ASIP: variants seen among roughly 807,000 people sequenced by gnomAD.
ASIP encodes agouti signaling protein, also known as agouti-signaling protein.
Under a neutral mutation model 10.3 loss-of-function variants are expected in ASIP, and 11 were observed. That is an observed-to-expected ratio of 1.07 (90% confidence interval 0.68 to 1.78). The LOEUF is 1.78. Among genes scored for constraint, ASIP ranks in the 40% most tolerant of loss-of-function variants. The pLI, the probability that ASIP is intolerant of heterozygous loss-of-function variation, is 0.00. For missense variants in ASIP, 180 were observed against 169.2 expected, an observed-to-expected ratio of 1.06 and a Z score of -0.35; for synonymous variants, 70 against 70.8, an observed-to-expected ratio of 0.99 and a Z score of 0.06.
chr20:34,219,144 A>G (rs924863148), intron 1 of ASIP, among the ~76,000 whole-genome samples: 2 of 152,192 alleles, frequency 1.3e-5, no homozygotes, highest in African/African-American at 2.4e-5. Context: ...GGGAACAGGT[A>G]GTATAAGAAA....
intron 3 of ASIP, among the ~76,000 whole-genome samples, chr20:34,264,644 T>A (rs1355723264): frequency 3.3e-5 from 5 of 152,116 alleles, no homozygotes; most frequent in Non-Finnish European, 7.3e-5. Flanking sequence ...AGACAATACA[T>A]CTTGTAAACA....
chr20:34,244,465 TCTGAGGTGCCCGC>T (rs2035336841), intron 1 of ASIP, among the ~76,000 whole-genome samples: 1 of 152,228 alleles, frequency 6.6e-6, no homozygotes, highest in Non-Finnish European at 1.5e-5. Context: ...CTAAAATGTG[TCTGAGGTGCCCGC>T]CTTTGACATT....
At chr20:34,220,029 G>T (rs1183025394) in intron 1 of ASIP, among the ~76,000 whole-genome samples, 3 of 152,136 alleles carry the variant, frequency 2.0e-5, no homozygotes, top group Non-Finnish European at 4.4e-5. Flanking sequence ...AGCGGAGCTT[G>T]CAGTGAGCCG....
intron 1 of ASIP, among the ~76,000 whole-genome samples, chr20:34,198,931 C>T (rs1382874538): frequency 6.6e-6 from 1 of 152,180 alleles, no homozygotes; most frequent in Middle Eastern, 3.2e-3. Flanking sequence ...CTCATTCCCC[C>T]TTCAAGTCCC....
At chr20:34,216,287 G>A (rs2035007952) in intron 1 of ASIP, among the ~76,000 whole-genome samples, 2 of 152,212 alleles carry the variant, frequency 1.3e-5, no homozygotes, top group South Asian at 2.1e-4. Flanking sequence ...TCAGCGCGAA[G>A]CGCCCTCTCC....
chr20:34,256,834 GC>G (rs1439976400), intron 1 of ASIP, among the ~76,000 whole-genome samples: 2 of 152,028 alleles, frequency 1.3e-5, no homozygotes, highest in Non-Finnish European at 2.9e-5. Flanking sequence ...GGGTAACAGT[GC>G]AGTGGTACAA....
At chr20:34,235,653 G>A (rs550310613) in intron 1 of ASIP, among the ~76,000 whole-genome samples, 3 of 151,732 alleles carry the variant, frequency 2.0e-5, no homozygotes, top group East Asian at 3.9e-4. Context: ...GCATGGTAGC[G>A]CATGCCTGTG....
At chr20:34,187,162 C>A in the ASIP span, among the ~76,000 whole-genome samples, 5 of 152,142 alleles carry the variant, frequency 3.3e-5, no homozygotes, top group Admixed American at 6.5e-5. Flanking sequence ...CAAAGGAGAA[C>A]CAATCAATCA....
chr20:34,261,808 A>G (rs575856698), intron 2 of ASIP, among the ~76,000 whole-genome samples: 54 of 152,092 alleles, frequency 3.6e-4, no homozygotes, highest in Non-Finnish European at 5.9e-4. Flanking sequence ...TCAAAAAAGA[A>G]ATTTTTTAAT....
chr20:34,204,519 C>T (rs567227498), intron 1 of ASIP, among the ~76,000 whole-genome samples: 56 of 152,146 alleles, frequency 3.7e-4, no homozygotes, highest in African/African-American at 1.3e-3. Flanking sequence ...GCTCCTGGCC[C>T]GTTTTTTAAC....
chr20:34,268,413 T>C (rs1255257911), intron 3 of ASIP, among the ~76,000 whole-genome samples: 3 of 152,094 alleles, frequency 2.0e-5, no homozygotes, highest in African/African-American at 7.2e-5. Flanking sequence ...TGTTTCATTT[T>C]AAGTTCAAAG....
At chr20:34,215,746 A>G in intron 1 of ASIP, 1 of 1,477,660 alleles carries the variant, frequency 6.8e-7, no homozygotes, top group Admixed American at 1.7e-5. Context: ...TTACATGATC[A>G]TCACTATATG....
At chr20:34,193,775 G>C (rs189079285), upstream of ASIP, among the ~76,000 whole-genome samples, 1 of 152,172 alleles carries the variant, frequency 6.6e-6, no homozygotes, top group African/African-American at 2.4e-5. Context: ...AACTATGGCC[G>C]TGCAAATCAG....
the ASIP span, among the ~76,000 whole-genome samples, chr20:34,187,391 C>T: frequency 6.6e-6 from 1 of 152,126 alleles, no homozygotes; most frequent in African/African-American, 2.4e-5. Context: ...TTCCTTTGGC[C>T]TCTAAAGTTC....
chr20:34,201,017 C>CTTCTTTCTTTCTTTCTTTCT (rs1215561275), intron 1 of ASIP, among the ~76,000 whole-genome samples: 117 of 63,368 alleles, frequency 1.8e-3, no homozygotes, highest in Middle Eastern at 6.6e-3. Flanking sequence ...TCCTTCCTTC[C>CTTCTTTCTTTCTTTCTTTCT]TTCTTTCTTT....
intron 1 of ASIP, among the ~76,000 whole-genome samples, chr20:34,203,939 T>G (rs1174113000): frequency 6.6e-6 from 1 of 152,124 alleles, no homozygotes; most frequent in East Asian, 1.9e-4. Flanking sequence ...TTGGCCAGGC[T>G]GGTCTCGAAC....
At chr20:34,201,377 A>G (rs1363965484) in intron 1 of ASIP, among the ~76,000 whole-genome samples, 1 of 152,214 alleles carries the variant, frequency 6.6e-6, no homozygotes, top group Non-Finnish European at 1.5e-5. Context: ...CAAAGTGCAC[A>G]GTGGAAATCG....
chr20:34,267,483 A>AG (rs2035807085), intron 3 of ASIP, among the ~76,000 whole-genome samples: 1 of 150,444 alleles, frequency 6.6e-6, no homozygotes, highest in Non-Finnish European at 1.5e-5. Flanking sequence ...AAAAAAAAAA[A>AG]GAACTGTGAT....
intron 1 of ASIP, among the ~76,000 whole-genome samples, chr20:34,202,042 A>G (rs1199152292): frequency 6.6e-6 from 1 of 152,136 alleles, no homozygotes; most frequent in Non-Finnish European, 1.5e-5. Flanking sequence ...TTTGTTTCAA[A>G]CAGCTAAGTT....
Sources: gnomAD v4.1 joint callset for allele counts (sites outside exome capture counted in the v4.1 genomes callset) on GRCh38, gnomAD v4.1.1 for gene constraint, MANE v1.5 for transcripts, NCBI Gene and HGNC (gene_info 2026-07-23, HGNC 2026-07-21) for gene names.